The following CSRP2 variants were observed in gnomAD, a reference collection of about 807,000 sequenced individuals.
CSRP2 encodes cysteine and glycine-rich protein 2.
In CSRP2, 18 loss-of-function variants were observed where a neutral mutation model predicts 24.6. That is an observed-to-expected ratio of 0.73 (90% confidence interval 0.51 to 1.09). The LOEUF (loss-of-function observed/expected upper bound fraction) is 1.09. CSRP2 is among the 50% of genes least tolerant of loss of function. The pLI is 0.00. For missense variants in CSRP2, 215 were observed against 239.4 expected (o/e 0.90, Z 0.67); for synonymous variants, 87 against 84.3 (o/e 1.03, Z -0.18).
intron 1 of CSRP2, among the ~76,000 whole-genome samples, chr12:76,874,197 C>T (rs1351164583): frequency 3.9e-5 from 6 of 152,172 alleles, no homozygotes; most frequent in Admixed American, 2.0e-4. Flanking sequence ...CCTGGAACTA[C>T]GTTGAGAAAG....
Position 76,859,542 on chromosome 12 carries a change from T to A in CSRP2, c.505+5A>T, listed in dbSNP as rs1407494162. Reference sequence around the variant, plus strand: ...ATGGACAGCAGTAACTGAAATGAATTTTACCTTTACAATAGATTTCACCTT... The same window carrying A: ...ATGGACAGCAGTAACTGAAATGAATATTACCTTTACAATAGATTTCACCTT... On this transcript the variant is annotated splice_donor_5th_base_variant and intron_variant, in intron 5 of 5. Transcript: ENST00000311083. 1 of 1,601,956 alleles carries A rather than the reference T, an allele frequency of 6.2e-7. No individual in the cohort carries two copies. Among genetic ancestry groups the A allele is most frequent in the African/African-American group, 1.3e-5 (1 of 74,722 alleles).
At chr12:76,869,040 T>C (rs917109310) in intron 1 of CSRP2, among the ~76,000 whole-genome samples, 5 of 151,878 alleles carry the variant, frequency 3.3e-5, no homozygotes, top group African/African-American at 4.8e-5. Flanking sequence ...AGAGACTAGG[T>C]AATTTATAAA....
chr12:76,860,522 AG>A, intron 3 of CSRP2, 109 bp from the exon 4 acceptor site: 4 of 1,351,608 alleles, frequency 3.0e-6, no homozygotes, highest in Middle Eastern at 3.8e-4. Context: ...ACTGCCTCAA[AG>A]CTGGAAGCCT....
chr12:76,869,798 G>C (rs888636193), intron 1 of CSRP2, among the ~76,000 whole-genome samples: 36 of 152,172 alleles, frequency 2.4e-4, no homozygotes, highest in African/African-American at 7.7e-4. Context: ...CCTCCCTGGA[G>C]ACAGGCACTC....
At chr12:76,868,592 A>G (rs368373083) in intron 1 of CSRP2, among the ~76,000 whole-genome samples, 114 of 152,236 alleles carry the variant, frequency 7.5e-4, no homozygotes, top group Middle Eastern at 3.4e-3. Flanking sequence ...ACCCAGTCTC[A>G]GGTATGTCTT....
chr12:76,868,774 A>G (rs1465381031), intron 1 of CSRP2, among the ~76,000 whole-genome samples: 4 of 152,096 alleles, frequency 2.6e-5, no homozygotes, highest in Non-Finnish European at 5.9e-5. Context: ...TCTACTAAAA[A>G]TACAAAAAAT....
Position 76,866,221 on chromosome 12 carries a change from C to A in CSRP2, c.40G>T (p.Gly14Trp), listed in dbSNP as rs756217081. ...WGGGNKCGAC[G>W]RTVYHAEEVQ... ...TCTTCTGCGTGGTACACGGTCCTCC[C>A]ACAGGCCCCACACTTGTTTCCACCT... Residue 14 changes from glycine (G) to tryptophan (W), a missense_variant, in exon 2 of 6, where the codon GGG becomes TGG. Coordinates refer to ENST00000311083, the MANE Select transcript of CSRP2 (RefSeq NM_001321.3). The A allele has an allele frequency of 9.9e-6, 16 of 1,614,146 alleles. No homozygotes were observed. In the South Asian group the frequency reaches 1.6e-4, roughly 17 times the overall value.
chr12:76,860,607 T>C, intron 3 of CSRP2, 194 bp from the exon 4 acceptor site: 1 of 510,006 alleles, frequency 2.0e-6, no homozygotes, highest in Non-Finnish European at 3.4e-6. Context: ...CTTGAACCTA[T>C]CTATGGGCTC....
chr12:76,869,791 C>T (rs934135087), intron 1 of CSRP2, among the ~76,000 whole-genome samples: 4 of 152,198 alleles, frequency 2.6e-5, no homozygotes, highest in Non-Finnish European at 4.4e-5. Flanking sequence ...TTATTCTCCT[C>T]CCTGGAGACA....
intron 1 of CSRP2, among the ~76,000 whole-genome samples, chr12:76,872,726 A>G (rs1218293197): frequency 6.6e-6 from 1 of 152,198 alleles, no homozygotes; most frequent in Non-Finnish European, 1.5e-5. Flanking sequence ...CCAGGCTGGT[A>G]TCCATTGCAG....
intron 1 of CSRP2, among the ~76,000 whole-genome samples, chr12:76,876,840 G>C (rs1218203416): frequency 9.9e-5 from 15 of 152,200 alleles, no homozygotes; most frequent in Admixed American, 9.8e-4. Context: ...ATTCAACCAA[G>C]TGCACAACTT....
chr12:76,859,562 C>G lies in CSRP2; in HGVS notation c.490G>C (p.Glu164Gln), dbSNP rs756006101. The G allele has an allele frequency of 1.2e-6, 2 of 1,612,416 alleles. No individual in the cohort carries two copies. Among genetic ancestry groups the G allele is most frequent in the Non-Finnish European group, 1.7e-6 (2 of 1,178,970 alleles). ...TGAATTTTACCTTTACAATAGATTT[C>G]ACCTTCTTTTTCAGTCAGAGTTGTT... Reference protein sequence around the residue: ...ESTTLTEKEGEIYCKGCYAKN... With the variant: ...ESTTLTEKEGQIYCKGCYAKN... Residue 164 changes from glutamate (E) to glutamine (Q), a missense_variant, in exon 5 of 6, where the codon GAA becomes CAA. Physicochemically the swap from Glu to Gln is conservative, Grantham distance 29. Coordinates refer to ENST00000311083, the MANE Select transcript of CSRP2 (RefSeq NM_001321.3).
intron 5 of CSRP2, 53 bp from the exon 6 acceptor site, chr12:76,859,081 A>G: frequency 1.3e-6 from 2 of 1,492,624 alleles, no homozygotes; most frequent in Non-Finnish European, 1.9e-6. Flanking sequence ...AAGCTTTGCT[A>G]GCACTGCTTA....
At chr12:76,859,128 G>A in intron 5 of CSRP2, 100 bp from the exon 6 acceptor site, 1 of 882,612 alleles carries the variant, frequency 1.1e-6, no homozygotes. Flanking sequence ...TTAAACTGCT[G>A]TGTAAAAGAG....
intron 2 of CSRP2, 63 bp downstream of exon 2, chr12:76,866,086 T>C (rs539186908): frequency 1.0e-5 from 13 of 1,251,422 alleles, no homozygotes; most frequent in East Asian, 7.1e-5. Context: ...TTTCCTTAAA[T>C]AGACATATTG....
intron 3 of CSRP2, chr12:76,862,162 C>G (rs948070379): frequency 6.6e-6 from 1 of 152,094 alleles, no homozygotes; most frequent in African/African-American, 2.4e-5. Context: ...GACTATTACA[C>G]CAATTTTGGA....
rs370222934 is a variant in CSRP2 at position 76,860,548 on chromosome 12, AG to A, written c.282-136del. ...GCTGGAAGCCTTTGCAGGCCAGCAC[AG>A]GGGAGGGAATAAAGAAGAAGTGACT... On this transcript the variant is annotated intron_variant, in intron 3 of 5. Coordinates refer to ENST00000311083, the MANE Select transcript of CSRP2 (RefSeq NM_001321.3). 1.5e-4 allele frequency: 145 copies of A among 982,732 alleles called. 1 individual carries two copies. The African/African-American group carries it at 2.0e-3, about 14-fold the overall frequency. The allele number at this position is 982,732 out of a possible 1,614,324, so 60.9% of individuals were successfully genotyped here.
chr12:76,866,675 G>C (rs1269845701), intron 1 of CSRP2, among the ~76,000 whole-genome samples: 4 of 152,094 alleles, frequency 2.6e-5, no homozygotes, highest in Admixed American at 6.5e-5. Flanking sequence ...TCTTACCCTT[G>C]GGTGGAGGTT....
At chr12:76,871,763 CAAAA>C (rs5799293) in intron 1 of CSRP2, among the ~76,000 whole-genome samples, 13 of 122,882 alleles carry the variant, frequency 1.1e-4, no homozygotes, top group Non-Finnish European at 8.8e-5. Context: ...GACTCCGACT[CAAAA>C]AAAAAAAAAA....
Sources: gnomAD v4.1 joint callset for allele counts (sites outside exome capture counted in the v4.1 genomes callset) on GRCh38, gnomAD v4.1.1 for gene constraint, MANE v1.5 for transcripts, NCBI Gene and HGNC (gene_info 2026-07-23, HGNC 2026-07-21) for gene names.